DLGAP4: variants seen among roughly 807,000 people sequenced by gnomAD.
DLGAP4 encodes the protein DLG associated protein 4.
In DLGAP4, 18 loss-of-function variants were observed where a neutral mutation model predicts 86.9. The ratio of observed to expected loss-of-function variants is 0.21; its 90% confidence interval spans 0.14 to 0.31. The LOEUF is 0.31. Among genes scored for constraint, DLGAP4 ranks in the 10% least tolerant of loss-of-function variants. DLGAP4 has a pLI of 1.00. For missense variants in DLGAP4, 1,085 were observed against 1,362.6 expected (o/e 0.80, Z 3.21); for synonymous variants, 548 against 574.3 (o/e 0.95, Z 0.65).
intron 1 of DLGAP4, among the ~76,000 whole-genome samples, chr20:36,312,188 T>C (rs1213718432): frequency 6.6e-6 from 1 of 152,182 alleles, no homozygotes; most frequent in Non-Finnish European, 1.5e-5. Context: ...CAGCATGCAA[T>C]TCTGGTTAAG....
intron 2 of DLGAP4, among the ~76,000 whole-genome samples, chr20:36,374,448 T>C (rs1157004132): frequency 6.6e-6 from 1 of 151,850 alleles, no homozygotes; most frequent in African/African-American, 2.4e-5. Flanking sequence ...GTGGTGGGAG[T>C]GCAACTATAG....
chr20:36,371,583 G>A (rs962203704), intron 2 of DLGAP4, among the ~76,000 whole-genome samples: 1 of 152,226 alleles, frequency 6.6e-6, no homozygotes. Context: ...ATGTAACATC[G>A]TTGCTGTTAG....
In DLGAP4 at chr20:36,500,415, A is replaced by G; in HGVS notation, c.2316A>G (p.Leu772=). The change falls in exon 10 of 13, where the codon CTA becomes CTG. Residue 772 remains leucine, a synonymous_variant. Coordinates refer to ENST00000339266, the MANE Select transcript of DLGAP4 (RefSeq NM_001365621.2). This position sits in a 1 kb window ranked among gnomAD's most constrained non-coding sequence, Gnocchi z 4.6. The stretch of plus-strand genomic sequence containing the variant: ...ATGGAGACAACAGCGACCCTGCCCT[A>G]GAGGCGTCCTCGCTGCCCCCACCCG... ...LSYGDNSDPA[L]EASSLPPPDP... is the part of the protein sequence containing the mutation. 6.3e-7 allele frequency: 1 copy of G among 1,583,000 alleles called. No homozygotes were observed. Among genetic ancestry groups the G allele is most frequent in the Non-Finnish European group, 8.6e-7 (1 of 1,162,290 alleles).
intron 7 of DLGAP4, among the ~76,000 whole-genome samples, chr20:36,483,969 C>T (rs2035300962): frequency 6.6e-6 from 1 of 152,220 alleles, no homozygotes; most frequent in Non-Finnish European, 1.5e-5. Context: ...CTGGCCTGGC[C>T]AGGATCTCAG....
chr20:36,436,271 T>C lies in DLGAP4; in HGVS notation c.1162T>C (p.Ser388Pro). 1 of 1,605,692 alleles carries C rather than the reference T, an allele frequency of 6.2e-7. No homozygotes were observed. Residue 388 changes from serine (S) to proline (P), a missense_variant, in exon 4 of 13, where the codon TCA becomes CCA. Around this residue, in one of 2 missense-constraint regions of DLGAP4, gnomAD observed 1,082 missense variants for 1,344.1 expected, o/e 0.81. Coordinates refer to ENST00000339266, the MANE Select transcript of DLGAP4 (RefSeq NM_001365621.2). ...CGAGTCCGGCGGCAGCCCCAAGCCC[T>C]CACCCAAGACCGCGGCGCGGCGCCA... ...SDESGGSPKP[S>P]PKTAARRQSY...
rs190830756 is a variant in DLGAP4, at chr20:36,325,220, G to A, written c.-304+18708G>A. On this transcript the variant is annotated intron_variant, in intron 1 of 12. Transcript: ENST00000339266. ...TTTTGCTTCCCTCTTTGACCCATGG[G>A]TTTTTTAGAAATGTGTTATCTAATT... Among the ~76,000 whole-genome samples, 347 of 151,952 alleles carry A rather than the reference G, an allele frequency of 2.3e-3. 2 individuals are homozygous for A. The highest frequency in any genetic ancestry group is 2.4e-3 in the Non-Finnish European group (166 of 67,922).
intron 2 of DLGAP4, among the ~76,000 whole-genome samples, chr20:36,370,347 A>AAAT (rs2030876202): frequency 6.6e-6 from 1 of 152,056 alleles, no homozygotes; most frequent in Admixed American, 6.6e-5. Flanking sequence ...AAAAAAAAAA[A>AAAT]AAATTTAAAT....
intron 1 of DLGAP4, among the ~76,000 whole-genome samples, chr20:36,321,193 C>T (rs782199378): frequency 6.6e-6 from 1 of 152,160 alleles, no homozygotes; most frequent in Non-Finnish European, 1.5e-5. Context: ...AGCTGACACC[C>T]GTTGGTTAAG....
intron 4 of DLGAP4, among the ~76,000 whole-genome samples, chr20:36,437,429 T>G (rs1232808306): frequency 6.6e-6 from 1 of 152,160 alleles, no homozygotes; most frequent in East Asian, 1.9e-4. Flanking sequence ...GAACCTGCCC[T>G]GAGTGAGTGC....
chr20:36,504,825 G>A (rs1056806830), intron 10 of DLGAP4, among the ~76,000 whole-genome samples: 7 of 152,136 alleles, frequency 4.6e-5, no homozygotes, highest in African/African-American at 9.7e-5. Context: ...TAAGGCCTTC[G>A]CCCATTTTTT....
chr20:36,453,510 A>C (rs1419514986), intron 7 of DLGAP4, among the ~76,000 whole-genome samples: 2 of 152,040 alleles, frequency 1.3e-5, no homozygotes, highest in African/African-American at 2.4e-5. Context: ...TTAGCTGTGC[A>C]TGGTGGTCAC....
At chr20:36,321,863 G>A (rs1035342370) in intron 1 of DLGAP4, among the ~76,000 whole-genome samples, 2 of 152,220 alleles carry the variant, frequency 1.3e-5, no homozygotes, top group African/African-American at 4.8e-5. Flanking sequence ...CTGCAGTGGT[G>A]ACCACATTTT....
At chr20:36,314,872 G>A (rs1375978451) in intron 1 of DLGAP4, among the ~76,000 whole-genome samples, 2 of 134,686 alleles carry the variant, frequency 1.5e-5, no homozygotes, top group Admixed American at 7.4e-5. Context: ...ATGTGGGTAT[G>A]TGGTGTGTGT....
chr20:36,432,211 G>T lies in DLGAP4; in HGVS notation c.494G>T (p.Gly165Val). 1.9e-6 allele frequency: 3 copies of T among 1,614,126 alleles called. No individual in the cohort carries two copies. Among genetic ancestry groups the T allele is most frequent in the Non-Finnish European group, 2.5e-6 (3 of 1,180,024 alleles). The change falls in exon 3 of 13, where the codon GGT becomes GTT. Residue 165 changes from glycine to valine, a missense_variant. Gly to Val is a moderately radical substitution (Grantham distance 109). Coordinates refer to ENST00000339266, the MANE Select transcript of DLGAP4 (RefSeq NM_001365621.2). The surrounding 1 kb of genome is among the most constrained non-coding windows in gnomAD (Gnocchi z 6.5). ...CTGGAGGGCACAGCGGGCAAGGTCG[G>T]TGGCAATGGCAGCAAGAAGGGTGGC... is the stretch of plus-strand genomic sequence containing the variant. Reference protein sequence around the residue: ...PSLEGTAGKVGGNGSKKGGME... With the variant: ...PSLEGTAGKVVGNGSKKGGME...
At chr20:36,517,284 A>C (rs953694313) in intron 10 of DLGAP4, among the ~76,000 whole-genome samples, 2 of 152,046 alleles carry the variant, frequency 1.3e-5, no homozygotes, top group Admixed American at 1.3e-4. Context: ...AGGCTGAGGC[A>C]TGAGAATTGC....
intron 2 of DLGAP4, among the ~76,000 whole-genome samples, chr20:36,388,420 C>G (rs2031674292): frequency 6.6e-6 from 1 of 152,130 alleles, no homozygotes; most frequent in Non-Finnish European, 1.5e-5. Context: ...TCCTGGAGCC[C>G]CCAGAACACA....
chr20:36,413,413 CTTTTTT>C, intron 2 of DLGAP4, among the ~76,000 whole-genome samples: 1 of 71,030 alleles, frequency 1.4e-5, no homozygotes, highest in East Asian at 4.3e-4. Context: ...TTGTTCTGGA[CTTTTTT>C]TTTTTTTTTT....
Position 36,482,418 on chromosome 20 carries a change from T to C in DLGAP4, c.1649-14287T>C, listed in dbSNP as rs552442604. On this transcript the variant is annotated intron_variant, in intron 7 of 12. Transcript: ENST00000339266. ...CCCTCCAGAAGTGAGGGTAGTTTTT[T>C]TGAGGCTCTTTCCAAGTAATACTTC... 1.1e-4 allele frequency among the ~76,000 whole-genome samples: 17 copies of C among 152,314 alleles called. No individual in the cohort carries two copies. In the East Asian group the frequency reaches 2.5e-3, roughly 22 times the overall value.
At chr20:36,327,741 G>A (rs914497074) in intron 1 of DLGAP4, among the ~76,000 whole-genome samples, 4 of 148,562 alleles carry the variant, frequency 2.7e-5, no homozygotes, top group Non-Finnish European at 4.5e-5. Context: ...ACAGGCGCCC[G>A]CCACTACGCC....
Sources: gnomAD v4.1 joint callset for allele counts (sites outside exome capture counted in the v4.1 genomes callset) on GRCh38, gnomAD v4.1.1 for gene constraint, gnomAD v4.1.1 regional missense constraint, Gnocchi (gnomAD v3.1) non-coding constraint, MANE v1.5 for transcripts, NCBI Gene and HGNC (gene_info 2026-07-23, HGNC 2026-07-21) for gene names.